DPY19L4: variants seen among roughly 807,000 people sequenced by gnomAD.
DPY19L4 encodes probable C-mannosyltransferase DPY19L4.
A neutral mutation model predicts 102.8 loss-of-function variants in DPY19L4; 97 were observed. The observed-to-expected ratio is 0.94, with a 90% CI of 0.80 to 1.12. DPY19L4 has a LOEUF of 1.12. Among genes scored for constraint, DPY19L4 ranks in the 50% most tolerant of loss-of-function variants. The pLI is 0.00. For missense variants in DPY19L4, 815 were observed against 850.4 expected (o/e 0.96, Z 0.52); for synonymous variants, 252 against 283.1 (o/e 0.89, Z 1.10).
rs552995474 is a variant in DPY19L4, at chr8:94,721,561, TTTTC to T, written c.16+1551_16+1554del. On this transcript the variant is annotated intron_variant, in intron 1 of 18. Coordinates refer to ENST00000414645, the MANE Select transcript of DPY19L4 (RefSeq NM_181787.3). Reference sequence around the variant, plus strand: ...TCATTTGAAATATTTCTTGATGTATTTTTCTTTTCTAATTGCAAATTTATGGGGG... The same window carrying T: ...TCATTTGAAATATTTCTTGATGTATTTTTTCTAATTGCAAATTTATGGGGG... Among the ~76,000 whole-genome samples, 152 of 152,332 alleles carry T rather than the reference TTTTC, an allele frequency of 1.0e-3. 2 individuals are homozygous for T. The highest frequency in any genetic ancestry group is 3.5e-3 in the African/African-American group (144 of 41,580).
In DPY19L4 at chr8:94,765,309, C is replaced by G. The variant is rs921527440; in HGVS notation, c.997C>G (p.Leu333Val). ...LVAALMLAKCLQLNVKKGSFV... is the reference protein window; with the variant it reads ...LVAALMLAKCVQLNVKKGSFV... ...AGCAGCCTTAATGCTTGCTAAGTGC[C>G]TTCAGGTAACTAGAATTATCTTTTT... The change falls in exon 9 of 19, where the codon CTT becomes GTT. Residue 333 changes from leucine (L) to valine (V), a missense_variant. Transcript: ENST00000414645. 13 of 1,589,432 alleles carry G rather than the reference C, an allele frequency of 8.2e-6. No homozygotes were observed. In the African/African-American group the frequency reaches 1.5e-4, roughly 18 times the overall value.
At chr8:94,771,373 A>T (rs1399070818) in intron 13 of DPY19L4, among the ~76,000 whole-genome samples, 1 of 152,238 alleles carries the variant, frequency 6.6e-6, no homozygotes, top group Non-Finnish European at 1.5e-5. Context: ...TTCATTTGTT[A>T]AAAAACTATT....
At chr8:94,755,755 C>T (rs909291331) in intron 6 of DPY19L4, among the ~76,000 whole-genome samples, 13 of 152,170 alleles carry the variant, frequency 8.5e-5, no homozygotes, top group African/African-American at 2.6e-4. Flanking sequence ...TGTGGTGACG[C>T]GCGCCTGTAA....
intron 3 of DPY19L4, among the ~76,000 whole-genome samples, chr8:94,735,765 A>G (rs1406119724): frequency 1.2e-4 from 18 of 152,178 alleles, no homozygotes; most frequent in Admixed American, 1.0e-3. Flanking sequence ...TCAGAATCAT[A>G]GACTCTCAGA....
Position 94,719,916 on chromosome 8 carries a change from AG to A in DPY19L4, c.-81del. 7.1e-7 allele frequency: 1 copy of A among 1,406,326 alleles called. No individual in the cohort carries two copies. Among genetic ancestry groups the A allele is most frequent in the East Asian group, 3.1e-5 (1 of 32,364 alleles). The allele number at this position is 1,406,326 out of a possible 1,614,324, so 87.1% of individuals were successfully genotyped here. Reference sequence around the variant, plus strand: ...GCGGCGGCCAGGAGCGGGCCCCCGGAGGCCGAGGGGTTCGGCGACGCGGAGG... The same window carrying A: ...GCGGCGGCCAGGAGCGGGCCCCCGGAGCCGAGGGGTTCGGCGACGCGGAGG... On this transcript the variant is annotated 5_prime_UTR_variant, in exon 1 of 19. Coordinates refer to ENST00000414645, the MANE Select transcript of DPY19L4 (RefSeq NM_181787.3).
chr8:94,731,607 G>A (rs1467719484), intron 2 of DPY19L4, among the ~76,000 whole-genome samples: 1 of 152,082 alleles, frequency 6.6e-6, no homozygotes, highest in Non-Finnish European at 1.5e-5. Context: ...TAGAGATGGG[G>A]TTTCACCATG....
intron 13 of DPY19L4, among the ~76,000 whole-genome samples, chr8:94,774,039 TAA>T (rs79751438): frequency 0.024 from 2,485 of 102,752 alleles, 84 homozygotes; most frequent in African/African-American, 0.083. Context: ...TGTCTTTAGT[TAA>T]AAAAAAAAAA....
intron 7 of DPY19L4, among the ~76,000 whole-genome samples, chr8:94,760,161 G>A (rs183794526): frequency 6.6e-6 from 1 of 152,300 alleles, no homozygotes; most frequent in African/African-American, 2.4e-5. Flanking sequence ...CATTTTTACT[G>A]TATGCTCTTA....
intron 3 of DPY19L4, among the ~76,000 whole-genome samples, chr8:94,736,564 T>G (rs1811197201): frequency 6.6e-6 from 1 of 152,236 alleles, no homozygotes. Flanking sequence ...TGATACATAT[T>G]ATGCATAAAA....
At chr8:94,756,217 C>A in intron 7 of DPY19L4, 58 bp downstream of exon 7, 1 of 1,570,012 alleles carries the variant, frequency 6.4e-7, no homozygotes, top group Non-Finnish European at 8.6e-7. Flanking sequence ...GCAAATGTGG[C>A]ACATAATAGC....
At chr8:94,721,131 A>G (rs571089436) in intron 1 of DPY19L4, among the ~76,000 whole-genome samples, 1 of 152,264 alleles carries the variant, frequency 6.6e-6, no homozygotes, top group Non-Finnish European at 1.5e-5. Context: ...TTTTGAGTAG[A>G]GACGGGGTTT....
In DPY19L4 at chr8:94,791,349, T is replaced by G. The variant is rs1345987659; in HGVS notation, c.*1439T>G. The stretch of plus-strand genomic sequence containing the variant: ...TGTTAAAGTACATGCATTCTTAGAC[T>G]AACTCTCAGATGCTTTGCTCTTTTG... On this transcript the variant is annotated 3_prime_UTR_variant, in exon 19 of 19. Coordinates refer to ENST00000414645, the MANE Select transcript of DPY19L4 (RefSeq NM_181787.3). 6.6e-6 allele frequency: 1 copy of G among 152,222 alleles called. No individual in the cohort carries two copies. The highest frequency in any genetic ancestry group is 1.5e-5 in the Non-Finnish European group (1 of 68,010). 9.4% of individuals were successfully genotyped at this position (152,222 alleles called of 1,614,324 possible).
chr8:94,781,726 A>T (rs1428661628), intron 16 of DPY19L4, among the ~76,000 whole-genome samples: 2 of 152,228 alleles, frequency 1.3e-5, no homozygotes, highest in African/African-American at 4.8e-5. Flanking sequence ...TAGAGAAAGA[A>T]GATGAGAAAG....
intron 1 of DPY19L4, among the ~76,000 whole-genome samples, chr8:94,724,257 T>C (rs1013270247): frequency 3.9e-5 from 6 of 152,246 alleles, no homozygotes; most frequent in Admixed American, 1.3e-4. Flanking sequence ...AATTATCCAA[T>C]TAAATGTTTT....
Position 94,765,777 on chromosome 8 carries a change from A to C in DPY19L4, c.1069A>C (p.Thr357Pro). Residue 357 changes from threonine (T) to proline (P), a missense_variant, in exon 10 of 19, where the codon ACT becomes CCT. Coordinates refer to ENST00000414645, the MANE Select transcript of DPY19L4 (RefSeq NM_181787.3). ...IKVINFYLVCTLTITLNIIMK... is the reference protein window; with the variant it reads ...IKVINFYLVCPLTITLNIIMK... ...AGTGATTAATTTTTACTTGGTGTGTACTCTGACAATAACATTGAATATTAT... is the reference window on the plus strand; with the variant it reads ...AGTGATTAATTTTTACTTGGTGTGTCCTCTGACAATAACATTGAATATTAT... 6.3e-7 allele frequency: 1 copy of C among 1,590,978 alleles called. No homozygotes were observed. Among genetic ancestry groups the C allele is most frequent in the Non-Finnish European group, 8.6e-7 (1 of 1,162,746 alleles).
chr8:94,743,746 CTGTAA>C (rs1811549068), intron 6 of DPY19L4, among the ~76,000 whole-genome samples: 1 of 152,200 alleles, frequency 6.6e-6, no homozygotes, highest in Admixed American at 6.5e-5. Flanking sequence ...TGGCTCACGC[CTGTAA>C]TCCCAACACT....
chr8:94,744,178 G>A (rs1811568280), intron 6 of DPY19L4, among the ~76,000 whole-genome samples: 1 of 152,186 alleles, frequency 6.6e-6, no homozygotes, highest in African/African-American at 2.4e-5. Flanking sequence ...GGTCTCTCAT[G>A]AGGTTTCAGT....
chr8:94,744,326 T>G, intron 6 of DPY19L4: 1 of 456,458 alleles, frequency 2.2e-6, no homozygotes. Context: ...ATTTCTTACA[T>G]ATGGGCCTCT....
chr8:94,761,625 T>G (rs1034059277), intron 7 of DPY19L4, 75 bp from the exon 8 acceptor site: 3 of 1,314,494 alleles, frequency 2.3e-6, no homozygotes, highest in Non-Finnish European at 3.0e-6. Flanking sequence ...AGCTACAACT[T>G]TGAGGTAACA....
Sources: allele counts gnomAD v4.1 joint callset (sites outside exome capture counted in the v4.1 genomes callset), GRCh38; gene constraint gnomAD v4.1.1; transcripts MANE v1.5; gene names NCBI Gene and HGNC (gene_info 2026-07-23, HGNC 2026-07-21).